Variants in RFPL1 observed in about 807,000 individuals in gnomAD.
RFPL1 encodes ret finger protein-like 1.
RFPL1 carries 6 observed loss-of-function variants against 9.6 expected under a neutral mutation model. The ratio of observed to expected loss-of-function variants is 0.62; its 90% CI spans 0.34 to 1.23. RFPL1 has a LOEUF of 1.23. Among genes scored for constraint, RFPL1 ranks in the 50% most tolerant of loss-of-function variants. The probability of loss-of-function intolerance (pLI) is 0.03; values close to 1 mark genes in which losing one functional copy is unlikely to be tolerated. For missense variants in RFPL1, 352 were observed against 398.4 expected (o/e 0.88, Z 0.99); for synonymous variants, 145 against 149.4 (o/e 0.97, Z 0.22).
chr22:29,437,884 C>T (rs762149286), upstream of RFPL1: 3 of 647,592 alleles, frequency 4.6e-6, no homozygotes, highest in Non-Finnish European at 5.0e-6. Flanking sequence ...ACCCTGGATC[C>T]CCAGATCTCC....
chr22:29,428,424 C>T, the RFPL1 span, among the ~76,000 whole-genome samples: 1 of 152,012 alleles, frequency 6.6e-6, no homozygotes, highest in South Asian at 2.1e-4. Context: ...GTTCAACACC[C>T]CAGTTTTAGA....
At chr22:29,439,381 G>A (rs896172834) in intron 1 of RFPL1, 1 of 698,944 alleles carries the variant, frequency 1.4e-6, no homozygotes, top group African/African-American at 1.8e-5. Context: ...TGCCTGTAAT[G>A]TCAGCACTTT....
chr22:29,390,744 C>T, the RFPL1 span, among the ~76,000 whole-genome samples: 2 of 151,142 alleles, frequency 1.3e-5, no homozygotes, highest in Non-Finnish European at 2.9e-5. Context: ...TACAGGCGCC[C>T]GCCACCACGC....
chr22:29,437,779 T>A (rs980683214), upstream of RFPL1: 7 of 1,537,074 alleles, frequency 4.6e-6, no homozygotes, highest in Non-Finnish European at 5.3e-6. Context: ...TGCCTAGAAA[T>A]GGGGGTTATG....
At chr22:29,406,883 G>A in the RFPL1 span, among the ~76,000 whole-genome samples, 1 of 152,184 alleles carries the variant, frequency 6.6e-6, no homozygotes, top group South Asian at 2.1e-4. Context: ...TATAGGTAAT[G>A]TGGAAATTAA....
chr22:29,401,119 C>G, the RFPL1 span, among the ~76,000 whole-genome samples: 9 of 152,220 alleles, frequency 5.9e-5, no homozygotes, highest in African/African-American at 2.2e-4. Flanking sequence ...CAGTCACGGT[C>G]ATACCCATGG....
upstream of RFPL1, among the ~76,000 whole-genome samples, chr22:29,436,156 T>G (rs934354789): frequency 5.3e-5 from 8 of 151,478 alleles, no homozygotes; most frequent in African/African-American, 1.9e-4. Flanking sequence ...GGAGGGGAGC[T>G]TGGGGAGAGG....
At chr22:29,409,662 A>G in the RFPL1 span, among the ~76,000 whole-genome samples, 2 of 152,206 alleles carry the variant, frequency 1.3e-5, no homozygotes, top group Non-Finnish European at 2.9e-5. Context: ...CTCTGTCTGG[A>G]ACAGAAATGT....
the RFPL1 span, among the ~76,000 whole-genome samples, chr22:29,425,409 C>A: frequency 6.6e-6 from 1 of 152,086 alleles, no homozygotes; most frequent in Admixed American, 6.5e-5. Flanking sequence ...AGGCCGTGGG[C>A]TGCATCTTGA....
upstream of RFPL1, chr22:29,438,034 C>T: frequency 3.9e-6 from 1 of 254,814 alleles, no homozygotes; most frequent in South Asian, 5.1e-5. Flanking sequence ...TCTCTGCTCA[C>T]TGCTAATTTT....
rs749768595 is a variant in RFPL1, at chr22:29,441,650, A to C, written c.482A>C (p.Glu161Ala). The change falls in exon 2 of 2, where the codon GAG becomes GCG. Residue 161 changes from glutamate to alanine, a missense_variant. Transcript: ENST00000354373. ...ACACAGAATCGGCAAGACCTTGCCG[A>C]GAGATTTGACGTGTCCATTTGCATC... 14 of 1,613,746 alleles carry C rather than the reference A, an allele frequency of 8.7e-6. No homozygotes were observed. In the Admixed American group the frequency reaches 1.8e-4, roughly 21 times the overall value.
the RFPL1 span, among the ~76,000 whole-genome samples, chr22:29,396,389 C>T: frequency 2.6e-4 from 40 of 152,302 alleles, no homozygotes; most frequent in African/African-American, 9.4e-4. Context: ...CAAGGAGGCC[C>T]CCACCAGATG....
the RFPL1 span, among the ~76,000 whole-genome samples, chr22:29,415,220 C>T: frequency 1.3e-5 from 2 of 151,880 alleles, no homozygotes; most frequent in African/African-American, 2.4e-5. Flanking sequence ...GATAAAGGCA[C>T]GCCCGTTTGC....
chr22:29,425,020 C>T, the RFPL1 span, among the ~76,000 whole-genome samples: 2 of 151,598 alleles, frequency 1.3e-5, no homozygotes, highest in African/African-American at 2.4e-5. Flanking sequence ...CTGGCTAACA[C>T]AGTGAAACCC....
chr22:29,434,236 T>C (rs1322167731), upstream of RFPL1, among the ~76,000 whole-genome samples: 1 of 152,246 alleles, frequency 6.6e-6, no homozygotes, highest in African/African-American at 2.4e-5. Context: ...CTAAATTTTA[T>C]GATTTTGAGA....
exon 1 of RFPL1, chr22:29,439,055 C>G: frequency 6.2e-7 from 1 of 1,614,136 alleles, no homozygotes; most frequent in South Asian, 1.1e-5. Flanking sequence ...CTCAGAAGAA[C>G]AAAATCAGGC....
the RFPL1 span, among the ~76,000 whole-genome samples, chr22:29,431,857 AT>A: frequency 2.0e-5 from 3 of 151,404 alleles, no homozygotes; most frequent in Non-Finnish European, 2.9e-5. Context: ...AGCCCAGCTA[AT>A]TTTTTTTGTA....
chr22:29,430,584 G>C, the RFPL1 span, among the ~76,000 whole-genome samples: 7 of 151,970 alleles, frequency 4.6e-5, no homozygotes, highest in African/African-American at 9.7e-5. Flanking sequence ...AACAGTTTTA[G>C]GGTTTCTTTT....
At chr22:29,407,605 A>T in the RFPL1 span, among the ~76,000 whole-genome samples, 1 of 151,858 alleles carries the variant, frequency 6.6e-6, no homozygotes, top group Non-Finnish European at 1.5e-5. Context: ...GCCTATTCAG[A>T]TGATCTATTT....
Sources: allele counts gnomAD v4.1 joint callset (sites outside exome capture counted in the v4.1 genomes callset), GRCh38; gene constraint gnomAD v4.1.1; transcripts MANE v1.5; gene names NCBI Gene and HGNC (gene_info 2026-07-23, HGNC 2026-07-21).